The following PCDHGA1 variants were observed in gnomAD, a reference collection of about 807,000 sequenced individuals.
The protein encoded by PCDHGA1 is protocadherin gamma-A1.
Under a neutral mutation model 58.0 loss-of-function variants are expected in PCDHGA1, and 32 were observed. The ratio of observed to expected loss-of-function variants is 0.55; its 90% confidence interval spans 0.42 to 0.74. The LOEUF (loss-of-function observed/expected upper bound fraction) is 0.74. PCDHGA1 is among the 30% of genes least tolerant of loss of function. The pLI is 0.00. For missense variants in PCDHGA1, 1,205 were observed against 1,182.3 expected, an observed-to-expected ratio of 1.02 and a Z score of -0.28; for synonymous variants, 498 against 501.1, an observed-to-expected ratio of 0.99 and a Z score of 0.08.
intron 1 of PCDHGA1, chr5:141,355,719 C>T: frequency 1.2e-6 from 2 of 1,614,028 alleles, no homozygotes; most frequent in Non-Finnish European, 1.7e-6. Context: ...ACCAGCTCAA[C>T]TCAAACGGTT....
In PCDHGA1 at chr5:141,431,937, A is replaced by T; in HGVS notation, c.2422-62870A>T. On this transcript the variant is annotated intron_variant, in intron 1 of 3. Coordinates refer to ENST00000517417, the MANE Select transcript of PCDHGA1 (RefSeq NM_018912.3). The surrounding 1 kb of genome is among the most constrained non-coding windows in gnomAD (Gnocchi z 4.8). ...TTCATCCAAGGAAATCTGCCCTTTAAATTAGAAAAATCTTACGGAAATTAC... is the reference window on the plus strand; with the variant it reads ...TTCATCCAAGGAAATCTGCCCTTTATATTAGAAAAATCTTACGGAAATTAC... The T allele has an allele frequency of 6.2e-7, 1 of 1,614,144 alleles. No individual in the cohort carries two copies. The highest frequency in any genetic ancestry group is 8.5e-7 in the Non-Finnish European group (1 of 1,180,014).
rs759146011 is a variant in PCDHGA1, at chr5:141,477,635, G to A, written c.2422-17172G>A. 6.2e-7 allele frequency: 1 copy of A among 1,614,138 alleles called. No homozygotes were observed. The highest frequency in any genetic ancestry group is 8.5e-7 in the Non-Finnish European group (1 of 1,180,040). On this transcript the variant is annotated intron_variant, in intron 1 of 3. Coordinates refer to ENST00000517417, the MANE Select transcript of PCDHGA1 (RefSeq NM_018912.3). This position sits in a 1 kb window ranked among gnomAD's most constrained non-coding sequence, Gnocchi z 4.9. ...GCAAGGAGCTGAAACCGGGCTAGTG[G>A]GTCGCTATTTCACAATAAATCGTGA...
At chr5:141,425,719 A>G (rs2096890303) in intron 1 of PCDHGA1, among the ~76,000 whole-genome samples, 1 of 152,200 alleles carries the variant, frequency 6.6e-6, no homozygotes. Context: ...TTCCCATACC[A>G]CTTGATGGGG....
intron 1 of PCDHGA1, chr5:141,418,530 G>A (rs370822103): frequency 5.0e-6 from 8 of 1,613,834 alleles, no homozygotes; most frequent in Non-Finnish European, 6.8e-6. Context: ...CCCCGAAGCG[G>A]TACTGCTCAG....
intron 1 of PCDHGA1, chr5:141,373,786 G>A: frequency 3.4e-6 from 1 of 289,890 alleles, no homozygotes; most frequent in Non-Finnish European, 6.3e-6. Flanking sequence ...AGATTTAGCA[G>A]AAATAAAATC....
chr5:141,511,581 T>C lies in PCDHGA1; in HGVS notation c.*408T>C, dbSNP rs2099883862. ...TCTTTCCCGAGTAAGGTGGTTGGGG[T>C]GTTGAAGTACCAAGTAACCTACAAG... On this transcript the variant is annotated 3_prime_UTR_variant, in exon 4 of 4. Transcript: ENST00000517417. 1 of 281,638 alleles carries C rather than the reference T, an allele frequency of 3.6e-6. No homozygotes were observed. The highest frequency in any genetic ancestry group is 2.2e-5 in the African/African-American group (1 of 46,302). 17.4% of individuals were successfully genotyped at this position (281,638 alleles called of 1,614,324 possible). A position where few individuals can be genotyped will look rare whatever the true frequency, so the allele number is the denominator to read the frequency against.
Position 141,351,701 on chromosome 5 carries a change from G to A in PCDHGA1, c.2421+18596G>A, listed in dbSNP as rs1758792333. 1.9e-6 allele frequency: 3 copies of A among 1,613,926 alleles called. No homozygotes were observed. Among genetic ancestry groups the A allele is most frequent in the African/African-American group, 2.7e-5 (2 of 75,066 alleles). The stretch of plus-strand genomic sequence containing the variant: ...CTCCGACCCGGATTTGGGACCCAAC[G>A]GCAGAGTCTCCTACTCTATTCTGGC... On this transcript the variant is annotated intron_variant, in intron 1 of 3. Transcript: ENST00000517417.
chr5:141,403,210 C>A (rs369033480), intron 1 of PCDHGA1: 2 of 1,613,828 alleles, frequency 1.2e-6, no homozygotes, highest in African/African-American at 2.7e-5. Context: ...CCTTGGTCAC[C>A]GCGGGTAGGA....
At chr5:141,372,159 A>G in intron 1 of PCDHGA1, 1 of 1,613,708 alleles carries the variant, frequency 6.2e-7, no homozygotes, top group East Asian at 2.2e-5. Context: ...CTACCTGGTG[A>G]CCAAGGTGGT....
At chr5:141,368,272 C>A (rs1227481804) in intron 1 of PCDHGA1, among the ~76,000 whole-genome samples, 1 of 152,064 alleles carries the variant, frequency 6.6e-6, no homozygotes, top group African/African-American at 2.4e-5. Flanking sequence ...ATTAAAGAAC[C>A]TAAGACCACT....
At chr5:141,351,157 C>T (rs748506914) in intron 1 of PCDHGA1, 4 of 1,614,010 alleles carry the variant, frequency 2.5e-6, no homozygotes, top group African/African-American at 1.3e-5. Flanking sequence ...ACATCACAAC[C>T]AATGGCACAT....
Position 141,394,179 on chromosome 5 carries a change from T to C in PCDHGA1, c.2421+61074T>C. The C allele has an allele frequency of 2.5e-6, 4 of 1,613,868 alleles. No individual in the cohort carries two copies. The South Asian group carries it at 4.4e-5, about 18-fold the overall frequency. On this transcript the variant is annotated intron_variant, in intron 1 of 3. Coordinates refer to ENST00000517417, the MANE Select transcript of PCDHGA1 (RefSeq NM_018912.3). ...CAACCCTCCTACTTTCCCTCATGCC[T>C]CCTACTCAGCGTATATCCTAGAGAA...
Position 141,489,748 on chromosome 5 carries a change from T to G in PCDHGA1, c.2422-5059T>G. 6.2e-7 allele frequency: 1 copy of G among 1,614,156 alleles called. No homozygotes were observed. Among genetic ancestry groups the G allele is most frequent in the African/African-American group, 1.3e-5 (1 of 75,054 alleles). On this transcript the variant is annotated intron_variant, in intron 1 of 3. Transcript: ENST00000517417. This position sits in a 1 kb window ranked among gnomAD's most constrained non-coding sequence, Gnocchi z 4.5. ...TGTGGGCACCAATACTGTGAGCTTTTACACTCTAAGCCCCAACAGCCACTT... is the reference window on the plus strand; with the variant it reads ...TGTGGGCACCAATACTGTGAGCTTTGACACTCTAAGCCCCAACAGCCACTT...
At chr5:141,470,649 C>T (rs1486535307) in intron 1 of PCDHGA1, among the ~76,000 whole-genome samples, 1 of 152,160 alleles carries the variant, frequency 6.6e-6, no homozygotes, top group African/African-American at 2.4e-5. Flanking sequence ...TTGAAGGCCC[C>T]TACCCTTTGG....
intron 1 of PCDHGA1, chr5:141,367,597 T>C (rs561845144): frequency 7.2e-5 from 11 of 152,152 alleles, no homozygotes; most frequent in African/African-American, 2.6e-4. Context: ...ATAAAATTTA[T>C]ATTAATGATA....
At chr5:141,466,213 C>G (rs2099118871) in intron 1 of PCDHGA1, among the ~76,000 whole-genome samples, 1 of 151,958 alleles carries the variant, frequency 6.6e-6, no homozygotes, top group South Asian at 2.1e-4. Flanking sequence ...CTCTGTTACC[C>G]AGGCTGGAGT....
intron 1 of PCDHGA1, chr5:141,390,457 G>T: frequency 1.3e-6 from 1 of 767,062 alleles, no homozygotes; most frequent in South Asian, 1.9e-5. Flanking sequence ...GAGTAAAGTA[G>T]GAGCAATTGT....
chr5:141,444,545 CA>C (rs1264288836), intron 1 of PCDHGA1, among the ~76,000 whole-genome samples: 7 of 152,042 alleles, frequency 4.6e-5, no homozygotes, highest in Admixed American at 6.6e-5. Flanking sequence ...GTCTAGTGAG[CA>C]AAAGGCACTT....
chr5:141,433,883 G>A (rs1051019240), intron 1 of PCDHGA1, among the ~76,000 whole-genome samples: 1 of 149,932 alleles, frequency 6.7e-6, no homozygotes, highest in Non-Finnish European at 1.5e-5. Flanking sequence ...ATCCATTGAT[G>A]ACACTTGCTT....
Sources: gnomAD v4.1 joint callset for allele counts (sites outside exome capture counted in the v4.1 genomes callset) on GRCh38, gnomAD v4.1.1 for gene constraint, Gnocchi (gnomAD v3.1) non-coding constraint, MANE v1.5 for transcripts, NCBI Gene and HGNC (gene_info 2026-07-23, HGNC 2026-07-21) for gene names.